Variants in DSC1 observed in about 807,000 individuals in gnomAD.
DSC1 encodes the protein desmocollin 1, also known as desmocollin-1.
DSC1 carries 79 observed loss-of-function variants against 98.8 expected under a neutral mutation model. The observed-to-expected ratio is 0.80, with a 90% CI of 0.67 to 0.96. DSC1 has a LOEUF of 0.96. DSC1 is among the 50% of genes least tolerant of loss of function. The probability of loss-of-function intolerance (pLI) is 0.00; values close to 1 mark genes in which losing one functional copy is unlikely to be tolerated. For missense variants in DSC1, 1,115 were observed against 1,075.9 expected, an observed-to-expected ratio of 1.04 and a Z score of -0.51; for synonymous variants, 405 against 372.1, an observed-to-expected ratio of 1.09 and a Z score of -1.02.
intron 2 of DSC1, among the ~76,000 whole-genome samples, chr18:31,159,049 T>G (rs1032612741): frequency 1.2e-5 from 1 of 85,710 alleles, no homozygotes; most frequent in African/African-American, 4.6e-5. Flanking sequence ...ACTATGTGGT[T>G]TTTTTTTTTT....
chr18:31,147,204 G>A (rs1473170640), intron 6 of DSC1, among the ~76,000 whole-genome samples: 1 of 151,606 alleles, frequency 6.6e-6, no homozygotes, highest in East Asian at 1.9e-4. Context: ...CAATGTATAT[G>A]TTTTATTTAT....
At chr18:31,136,048 G>A (rs925997819) in intron 11 of DSC1, among the ~76,000 whole-genome samples, 2 of 151,848 alleles carry the variant, frequency 1.3e-5, no homozygotes, top group Non-Finnish European at 2.9e-5. Flanking sequence ...CTAATTGTTT[G>A]TATAAAGTAA....
rs754060789 is a variant in DSC1, at chr18:31,159,546, G to GA, written c.64-18dup. ...TGTTAAAACCTCAAAAAAAAAAAAA[G>GA]AAAAAATATCAGGAATTAAATTTGA... On this transcript the variant is annotated splice_polypyrimidine_tract_variant and intron_variant, in intron 1 of 15. Transcript: ENST00000257198. 205 of 828,932 alleles carry GA rather than the reference G, an allele frequency of 2.5e-4. No individual in the cohort carries two copies. The highest frequency in any genetic ancestry group is 3.1e-4 in the Non-Finnish European group (175 of 559,568). 51.3% of individuals were successfully genotyped at this position (828,932 alleles called of 1,614,324 possible). A position where few individuals can be genotyped will look rare whatever the true frequency, so the allele number is the denominator to read the frequency against.
At chr18:31,132,537 A>G (rs1463105521) in intron 14 of DSC1, 31 bp downstream of exon 14, 2 of 1,610,344 alleles carry the variant, frequency 1.2e-6, no homozygotes, top group Non-Finnish European at 1.7e-6. Flanking sequence ...TGTTCACCGT[A>G]CAATTCAAAG....
chr18:31,152,186 A>C (rs1037099395), intron 5 of DSC1, among the ~76,000 whole-genome samples: 2 of 151,766 alleles, frequency 1.3e-5, no homozygotes, highest in African/African-American at 2.4e-5. Context: ...AAAAAACAAG[A>C]TAATAAAAGA....
At chr18:31,145,085 G>C (rs1207928402) in intron 7 of DSC1, among the ~76,000 whole-genome samples, 1 of 151,662 alleles carries the variant, frequency 6.6e-6, no homozygotes. Context: ...GACTACAGGC[G>C]CCCGCCACCA....
At chr18:31,143,931 A>T in intron 7 of DSC1, 140 bp from the exon 8 acceptor site, 1 of 588,738 alleles carries the variant, frequency 1.7e-6, no homozygotes, top group Non-Finnish European at 2.5e-6. Context: ...TATTTATTTG[A>T]GATGGGGTCT....
rs560697737 is a variant in DSC1 at position 31,143,795 on chromosome 18, A to G, written c.940-4T>C. ...TTAACTGGTAAGTATCACATTTCTG[A>G]AAAAAAGGAAAAAACTACATTAATG... On this transcript the variant is annotated splice_region_variant and splice_polypyrimidine_tract_variant and intron_variant, in intron 7 of 15. Coordinates refer to ENST00000257198, the MANE Select transcript of DSC1 (RefSeq NM_024421.2). 1.4e-5 allele frequency: 21 copies of G among 1,541,028 alleles called. No individual in the cohort carries two copies. The South Asian group carries it at 1.7e-4, about 12-fold the overall frequency.
In DSC1 at chr18:31,157,537, A is replaced by AG; in HGVS notation, c.184_185insC (p.Ile62ThrfsTer5). Reference sequence around the variant, plus strand: ...TCTGAAGGCAGGGTCACTGGACCGGATTAGGCTGGCCGACTTGAGACACTC... The same window carrying AG: ...TCTGAAGGCAGGGTCACTGGACCGGAGTTAGGCTGGCCGACTTGAGACACTC... On this transcript the variant is annotated frameshift_variant, in exon 3 of 16. Coordinates refer to ENST00000257198, the MANE Select transcript of DSC1 (RefSeq NM_024421.2). LOFTEE classifies it high-confidence loss of function. The AG allele has an allele frequency of 6.2e-7, 1 of 1,614,208 alleles. No homozygotes were observed. The highest frequency in any genetic ancestry group is 8.5e-7 in the Non-Finnish European group (1 of 1,180,030).
At chr18:31,155,218 A>T (rs1989073226) in intron 4 of DSC1, among the ~76,000 whole-genome samples, 1 of 152,164 alleles carries the variant, frequency 6.6e-6, no homozygotes. Flanking sequence ...ATTTATTCTT[A>T]TCTTCATATA....
In DSC1 at chr18:31,156,040, C is replaced by A. The variant is rs1989090491; in HGVS notation, c.471+3G>T. On this transcript the variant is annotated splice_donor_region_variant and intron_variant, in intron 4 of 15. Transcript: ENST00000257198. Reference sequence around the variant, plus strand: ...CATATAAAATCAAATAAGTGAAATGCACCTGCTGAACGTGTTGTGGAAATG... The same window carrying A: ...CATATAAAATCAAATAAGTGAAATGAACCTGCTGAACGTGTTGTGGAAATG... 2 of 1,609,174 alleles carry A rather than the reference C, an allele frequency of 1.2e-6. No individual in the cohort carries two copies. Among genetic ancestry groups the A allele is most frequent in the African/African-American group, 2.7e-5 (2 of 74,648 alleles).
chr18:31,137,362 T>C (rs553884856), intron 11 of DSC1, among the ~76,000 whole-genome samples: 4 of 152,182 alleles, frequency 2.6e-5, no homozygotes, highest in Admixed American at 2.6e-4. Context: ...AAATGTTTAA[T>C]CTCAATTTTC....
chr18:31,131,439 C>A lies in DSC1; in HGVS notation c.2487+155G>T. 4 of 1,031,464 alleles carry A rather than the reference C, an allele frequency of 3.9e-6. 1 individual carries two copies. In the South Asian group the frequency reaches 6.8e-5, roughly 18 times the overall value. 63.9% of individuals were successfully genotyped at this position (1,031,464 alleles called of 1,614,324 possible). A position where few individuals can be genotyped will look rare whatever the true frequency, so the allele number is the denominator to read the frequency against. On this transcript the variant is annotated intron_variant, in intron 15 of 15. Transcript: ENST00000257198. ...GTGAATTTTCAAAGATCATTTTTAT[C>A]TTTGGGTTTAAACCAGACATCCACA...
chr18:31,158,826 A>C (rs1205589657), intron 2 of DSC1, among the ~76,000 whole-genome samples: 1 of 152,160 alleles, frequency 6.6e-6, no homozygotes, highest in Admixed American at 6.5e-5. Flanking sequence ...AAATTTTGGC[A>C]GCAGATTAGT....
At chr18:31,132,533 C>G (rs1988516543) in intron 14 of DSC1, 35 bp downstream of exon 14, 6 of 1,608,442 alleles carry the variant, frequency 3.7e-6, no homozygotes, top group Middle Eastern at 1.7e-4. Context: ...CATTTGTTCA[C>G]CGTACAATTC....
At chr18:31,157,676 G>C in intron 2 of DSC1, 103 bp from the exon 3 acceptor site, 4 of 1,283,392 alleles carry the variant, frequency 3.1e-6, no homozygotes, top group Admixed American at 3.8e-5. Flanking sequence ...GCAGAAAAAG[G>C]GAGGTTACAT....
chr18:31,145,475 C>T, intron 7 of DSC1, 136 bp downstream of exon 7: 1 of 876,542 alleles, frequency 1.1e-6, no homozygotes, highest in South Asian at 1.9e-5. Flanking sequence ...AGGACATCTC[C>T]AGAGAAGCCC....
At chr18:31,142,681 T>C (rs34064740) in intron 8 of DSC1, among the ~76,000 whole-genome samples, 43,095 of 151,892 alleles carry the variant, frequency 0.28, 7,077 homozygotes, top group East Asian at 0.56. Flanking sequence ...TCCTTTTTTT[T>C]TGAGACATTA....
chr18:31,130,656 C>T lies in DSC1; in HGVS notation c.2543G>A (p.Cys848Tyr). The change falls in exon 16 of 16, where the codon TGT becomes TAT. Residue 848 changes from cysteine (C) to tyrosine (Y), a missense_variant. Transcript: ENST00000257198. Reference protein sequence around the residue: ...EEHKHCEDYVCSYNYEGKGSL... With the variant: ...EEHKHCEDYVYSYNYEGKGSL... ...ACCTTTGCCTTCATAGTTATACGAA[C>T]AAACGTAGTCTTCACAATGTTTATG... 1 of 1,614,022 alleles carries T rather than the reference C, an allele frequency of 6.2e-7. No homozygotes were observed. The highest frequency in any genetic ancestry group is 8.5e-7 in the Non-Finnish European group (1 of 1,180,006).
Sources: allele counts gnomAD v4.1 joint callset (sites outside exome capture counted in the v4.1 genomes callset), GRCh38; gene constraint gnomAD v4.1.1; transcripts MANE v1.5; gene names NCBI Gene and HGNC (gene_info 2026-07-23, HGNC 2026-07-21).